The following UBE2N variants were observed in gnomAD, a reference collection of about 807,000 sequenced individuals.
The protein encoded by UBE2N is ubiquitin conjugating enzyme E2 N, also known as ubiquitin-conjugating enzyme E2 N.
For missense variants in UBE2N, 60 were observed against 192.1 expected (o/e 0.31, Z 4.07); for synonymous variants, 70 against 69.2 (o/e 1.01, Z -0.06).
In UBE2N at chr12:93,409,826, C is replaced by A; in HGVS notation, c.*213G>T. 1.8e-6 allele frequency: 1 copy of A among 562,188 alleles called. No individual in the cohort carries two copies. The allele number at this position is 562,188 out of a possible 1,614,324, so 34.8% of individuals were successfully genotyped here. ...TGCTTTTAAACGTTTCACAACAATC[C>A]AGATGATACTTCTAGCCTCTGCTCA... On this transcript the variant is annotated 3_prime_UTR_variant, in exon 4 of 4. Transcript: ENST00000318066.
intron 1 of UBE2N, among the ~76,000 whole-genome samples, chr12:93,419,930 A>G (rs1878354254): frequency 6.6e-6 from 1 of 152,126 alleles, no homozygotes; most frequent in South Asian, 2.1e-4. Context: ...GCTCCTAACC[A>G]CTTAGACTCC....
intron 1 of UBE2N, among the ~76,000 whole-genome samples, chr12:93,421,096 T>A (rs1369732032): frequency 6.6e-6 from 1 of 151,906 alleles, no homozygotes; most frequent in African/African-American, 2.4e-5. Flanking sequence ...AAACAAAGAG[T>A]AATCGACCAA....
Position 93,409,768 on chromosome 12 carries a change from T to C in UBE2N, c.*271A>G, listed in dbSNP as rs1179392522. The stretch of plus-strand genomic sequence containing the variant: ...ACAGTGCTTTATACTTAAACCAGGA[T>C]GGGGGAAATGAATAAAAGCAGGGAG... On this transcript the variant is annotated 3_prime_UTR_variant, in exon 4 of 4. Transcript: ENST00000318066. 3 of 417,252 alleles carry C rather than the reference T, an allele frequency of 7.2e-6. No individual in the cohort carries two copies. The highest frequency in any genetic ancestry group is 1.3e-5 in the Non-Finnish European group (3 of 227,242). 25.8% of individuals were successfully genotyped at this position (417,252 alleles called of 1,614,324 possible). A position where few individuals can be genotyped will look rare whatever the true frequency, so the allele number is the denominator to read the frequency against.
At chr12:93,414,025 G>T (rs1451525798) in intron 1 of UBE2N, among the ~76,000 whole-genome samples, 1 of 151,216 alleles carries the variant, frequency 6.6e-6, no homozygotes, top group East Asian at 1.9e-4. Flanking sequence ...GCCGGGCATG[G>T]TGGCACGTGC....
intron 1 of UBE2N, among the ~76,000 whole-genome samples, chr12:93,429,889 A>G (rs780390511): frequency 2.0e-5 from 3 of 152,238 alleles, no homozygotes; most frequent in African/African-American, 7.2e-5. Flanking sequence ...AAAAAAATCA[A>G]AAGTTTAAAA....
chr12:93,416,200 C>T (rs927716865), intron 1 of UBE2N, among the ~76,000 whole-genome samples: 4 of 152,114 alleles, frequency 2.6e-5, no homozygotes, highest in Non-Finnish European at 2.9e-5. Context: ...GGAATAAAAT[C>T]CAAACTAAAT....
chr12:93,440,175 C>T (rs1047487659), intron 1 of UBE2N, among the ~76,000 whole-genome samples: 1 of 152,116 alleles, frequency 6.6e-6, no homozygotes, highest in African/African-American at 2.4e-5. Flanking sequence ...ACCTAAGTAA[C>T]AACGAAAACA....
In UBE2N at chr12:93,420,023, A is replaced by G. The variant is rs139671809; in HGVS notation, c.31-8724T>C. Among the ~76,000 whole-genome samples the G allele has an allele frequency of 1.2e-3, 176 of 152,318 alleles. 1 individual carries two copies. The highest frequency in any genetic ancestry group is 4.1e-3 in the African/African-American group (170 of 41,578). ...AATGGAGAATAATGATTCTCAAGACACACCCCTCCCTTGTTCTTTCTTTTC... is the reference window on the plus strand; with the variant it reads ...AATGGAGAATAATGATTCTCAAGACGCACCCCTCCCTTGTTCTTTCTTTTC... On this transcript the variant is annotated intron_variant, in intron 1 of 3. Coordinates refer to ENST00000318066, the MANE Select transcript of UBE2N (RefSeq NM_003348.4).
chr12:93,441,432 G>C (rs886749315), intron 1 of UBE2N, among the ~76,000 whole-genome samples: 1 of 152,142 alleles, frequency 6.6e-6, no homozygotes, highest in Non-Finnish European at 1.5e-5. Flanking sequence ...CTTGGCTGCC[G>C]AGGGACCTTG....
intron 1 of UBE2N, among the ~76,000 whole-genome samples, chr12:93,419,554 G>C (rs150847662): frequency 3.9e-4 from 60 of 152,258 alleles, no homozygotes; most frequent in African/African-American, 1.4e-3. Context: ...CAAGCTAACT[G>C]AATGATGAAG....
chr12:93,430,819 A>T (rs185789325), intron 1 of UBE2N, among the ~76,000 whole-genome samples: 1,777 of 148,196 alleles, frequency 0.012, 20 homozygotes, highest in Non-Finnish European at 0.016. Flanking sequence ...TATATAAAAA[A>T]TTTTTTTAAA....
At chr12:93,441,810 C>T (rs201000203) in intron 1 of UBE2N, 45 bp downstream of exon 1, 17 of 1,574,504 alleles carry the variant, frequency 1.1e-5, no homozygotes, top group Admixed American at 9.1e-5. Flanking sequence ...CCAGCTGAGC[C>T]GACGAGAGCA....
At chr12:93,427,753 T>C (rs1431101693) in intron 1 of UBE2N, among the ~76,000 whole-genome samples, 4 of 152,212 alleles carry the variant, frequency 2.6e-5, no homozygotes, top group Non-Finnish European at 4.4e-5. Context: ...ATGAGAATTA[T>C]ACCTCAAAAA....
chr12:93,427,962 C>A (rs1592748123), intron 1 of UBE2N, among the ~76,000 whole-genome samples: 1 of 152,188 alleles, frequency 6.6e-6, no homozygotes, highest in African/African-American at 2.4e-5. Context: ...GTCGCCCAGG[C>A]TAGAGTATAG....
intron 1 of UBE2N, among the ~76,000 whole-genome samples, chr12:93,429,563 TAAA>T (rs34053448): frequency 1.8e-4 from 25 of 138,788 alleles, no homozygotes; most frequent in African/African-American, 5.6e-4. Flanking sequence ...TTCTGCTTGT[TAAA>T]AAAAAAAAAA....
At chr12:93,432,954 G>A (rs547088442) in intron 1 of UBE2N, among the ~76,000 whole-genome samples, 6 of 71,120 alleles carry the variant, frequency 8.4e-5, no homozygotes, top group Admixed American at 5.3e-4. Flanking sequence ...TTTTTGAGAC[G>A]GAGTCTTGCT....
Position 93,410,028 on chromosome 12 carries a change from A to C in UBE2N, c.*11T>G. On this transcript the variant is annotated 3_prime_UTR_variant, in exon 4 of 4. Transcript: ENST00000318066. ...CAGGAGAAGTGATGCACACTTGATG[A>C]TCGTATCAATTTAAATATTATTCAT... 6.2e-7 allele frequency: 1 copy of C among 1,612,716 alleles called. No individual in the cohort carries two copies. The highest frequency in any genetic ancestry group is 8.5e-7 in the Non-Finnish European group (1 of 1,179,384).
In UBE2N at chr12:93,441,923, G is replaced by C. The variant is rs766412489; in HGVS notation, c.-39C>G. 4.5e-6 allele frequency: 7 copies of C among 1,558,982 alleles called. No homozygotes were observed. Among genetic ancestry groups the C allele is most frequent in the Non-Finnish European group, 2.6e-6 (3 of 1,155,190 alleles). ...GAGTTCGGCCTCTGGTCTCGTCTCC[G>C]GCTCCTCTCGCCTCACGCACGAGTG... is the stretch of plus-strand genomic sequence containing the variant. On this transcript the variant is annotated 5_prime_UTR_variant, in exon 1 of 4. Transcript: ENST00000318066.
Position 93,414,441 on chromosome 12 carries a change from T to G in UBE2N, c.31-3142A>C, listed in dbSNP as rs1371908939. ...TCCAGCCTAGGCAAAAGAGCGAAGC[T>G]CCGTCTCAAAAAAAAAAAAAAAAAA... is the stretch of plus-strand genomic sequence containing the variant. On this transcript the variant is annotated intron_variant, in intron 1 of 3. Transcript: ENST00000318066. Among the ~76,000 whole-genome samples, 13 of 104,418 alleles carry G rather than the reference T, an allele frequency of 1.2e-4. No homozygotes were observed. The East Asian group carries it at 3.3e-3, about 27-fold the overall frequency. 68.5% of individuals were successfully genotyped at this position (104,418 alleles called of 152,430 possible). A position where few individuals can be genotyped will look rare whatever the true frequency, so the allele number is the denominator to read the frequency against.
Sources: gnomAD v4.1 joint callset for allele counts (sites outside exome capture counted in the v4.1 genomes callset) on GRCh38, gnomAD v4.1.1 for gene constraint, MANE v1.5 for transcripts, NCBI Gene and HGNC (gene_info 2026-07-23, HGNC 2026-07-21) for gene names.